ZNF207: variants seen among roughly 807,000 people sequenced by gnomAD.
The protein encoded by ZNF207 is zinc finger protein 207.
A neutral mutation model predicts 60.2 loss-of-function variants in ZNF207; 24 were observed. The observed-to-expected ratio is 0.40, with a 90% CI of 0.29 to 0.56. The LOEUF is 0.56. Among genes scored for constraint, ZNF207 ranks in the 20% least tolerant of loss-of-function variants. The pLI is 0.49. For synonymous variants in ZNF207, 236 were observed against 194.7 expected (o/e 1.21, Z -1.77); for missense variants, 452 against 636.6 (o/e 0.71, Z 3.12).
chr17:32,351,300 T>A, intron 1 of ZNF207: 1 of 334,802 alleles, frequency 3.0e-6, no homozygotes, highest in Non-Finnish European at 4.6e-6. Context: ...CTTTATGGAT[T>A]GTTCATTCGA....
chr17:32,359,784 C>T (rs961580715), intron 3 of ZNF207, among the ~76,000 whole-genome samples: 1 of 151,860 alleles, frequency 6.6e-6, no homozygotes, highest in African/African-American at 2.4e-5. Context: ...GTGGCACATG[C>T]CTATAGTCTA....
Position 32,362,908 on chromosome 17 carries a change from TA to T in ZNF207, c.600-4del. The T allele has an allele frequency of 6.2e-7, 1 of 1,613,048 alleles. No individual in the cohort carries two copies. Among genetic ancestry groups the T allele is most frequent in the South Asian group, 1.1e-5 (1 of 90,940 alleles). ...TTACTGTTTCTTGAAATTTGCTTTC[TA>T]ATAGAATGATGCCAATGGGTGGAAT... On this transcript the variant is annotated splice_polypyrimidine_tract_variant and splice_region_variant and intron_variant, in intron 6 of 11. Coordinates refer to ENST00000394670, the MANE Select transcript of ZNF207 (RefSeq NM_001098507.2).
At position 32,370,380 on chromosome 17, in the gene ZNF207, G is replaced by T. The variant is rs1463374755; in HGVS notation, c.*621G>T. ...ATTCATAACCCAGCTGTGGACCACT[G>T]CCTGAAAGGTTTGTACAGATGCATG... is the stretch of plus-strand genomic sequence containing the variant. On this transcript the variant is annotated 3_prime_UTR_variant, in exon 12 of 12. Transcript: ENST00000394670. 4 of 152,644 alleles carry T rather than the reference G, an allele frequency of 2.6e-5. No individual in the cohort carries two copies. Among genetic ancestry groups the T allele is most frequent in the Admixed American group, 6.5e-5 (1 of 15,280 alleles). The allele number at this position is 152,644 out of a possible 1,614,324, so 9.5% of individuals were successfully genotyped here.
chr17:32,370,533 T>G lies in ZNF207; in HGVS notation c.*774T>G, dbSNP rs1905420660. On this transcript the variant is annotated 3_prime_UTR_variant, in exon 12 of 12. Transcript: ENST00000394670. ...TTTAAACTGAATTTGCATAGAGTTG[T>G]ATGTTAATGTTTCAGTTAAGAGAAA... 1 of 152,266 alleles carries G rather than the reference T, an allele frequency of 6.6e-6. No homozygotes were observed. The highest frequency in any genetic ancestry group is 1.9e-4 in the East Asian group (1 of 5,204). The allele number at this position is 152,266 out of a possible 1,614,324, so 9.4% of individuals were successfully genotyped here.
At chr17:32,365,540 G>T in intron 8 of ZNF207, 53 bp downstream of exon 8, 1 of 1,539,830 alleles carries the variant, frequency 6.5e-7, no homozygotes, top group South Asian at 1.3e-5. Context: ...ATAAAGTACA[G>T]TTGTTTACAG....
intron 8 of ZNF207, among the ~76,000 whole-genome samples, chr17:32,365,768 A>G (rs1905134853): frequency 1.3e-5 from 2 of 150,128 alleles, no homozygotes; most frequent in South Asian, 4.2e-4. Flanking sequence ...AAGCTAATGA[A>G]AGTTTAGTAT....
intron 7 of ZNF207, 60 bp from the exon 8 acceptor site, chr17:32,365,270 G>GT: frequency 2.6e-6 from 4 of 1,559,396 alleles, no homozygotes; most frequent in African/African-American, 1.4e-5. Context: ...GTATAGAAGC[G>GT]TTTTTTTCCA....
Position 32,352,740 on chromosome 17 carries a change from G to T in ZNF207, c.168+828G>T, listed in dbSNP as rs559202626. On this transcript the variant is annotated intron_variant, in intron 2 of 11. Coordinates refer to ENST00000394670, the MANE Select transcript of ZNF207 (RefSeq NM_001098507.2). ...AGAGATGGCCTTGCTCTGTGGCCCA[G>T]GCTGGATTGCAGTGACATGGTTATG... Among the ~76,000 whole-genome samples the T allele has an allele frequency of 3.9e-5, 6 of 152,288 alleles. No individual in the cohort carries two copies. The South Asian group carries it at 1.2e-3, about 32-fold the overall frequency.
At chr17:32,352,657 A>G (rs1291504260) in intron 2 of ZNF207, among the ~76,000 whole-genome samples, 4 of 152,150 alleles carry the variant, frequency 2.6e-5, no homozygotes, top group South Asian at 2.1e-4. Flanking sequence ...AATTTCAGCA[A>G]TTTATTTATT....
At chr17:32,361,232 A>G (rs561969866) in intron 5 of ZNF207, 1 of 565,644 alleles carries the variant, frequency 1.8e-6, no homozygotes, top group South Asian at 2.6e-5. Context: ...TTGGTTATTT[A>G]TAGATTTGCG....
chr17:32,377,824 A>T lies in ZNF207; in HGVS notation c.*8065A>T, dbSNP rs1489652636. On this transcript the variant is annotated 3_prime_UTR_variant, in exon 12 of 12. Transcript: ENST00000394670. Reference sequence around the variant, plus strand: ...AGGGAAAAGTTTTAAATGTATTAGTATCAGGCTCTGAGGAAATTTAATGCA... The same window carrying T: ...AGGGAAAAGTTTTAAATGTATTAGTTTCAGGCTCTGAGGAAATTTAATGCA... 6.6e-6 allele frequency: 1 copy of T among 152,272 alleles called. No homozygotes were observed. Among genetic ancestry groups the T allele is most frequent in the Non-Finnish European group, 1.5e-5 (1 of 67,818 alleles). 9.4% of individuals were successfully genotyped at this position (152,272 alleles called of 1,614,324 possible).
At chr17:32,354,216 A>G (rs1381620120) in intron 2 of ZNF207, among the ~76,000 whole-genome samples, 7 of 152,306 alleles carry the variant, frequency 4.6e-5, no homozygotes, top group Non-Finnish European at 8.8e-5. Context: ...CCCAGGATCA[A>G]TCGATTCTCC....
In ZNF207 at chr17:32,358,722, A is replaced by G. The variant is rs1011494587; in HGVS notation, c.307+81A>G. The G allele has an allele frequency of 5.4e-5, 61 of 1,124,588 alleles. 1 individual carries two copies. The African/African-American group carries it at 9.5e-4, about 18-fold the overall frequency. The allele number at this position is 1,124,588 out of a possible 1,614,324, so 69.7% of individuals were successfully genotyped here. A position where few individuals can be genotyped will look rare whatever the true frequency, so the allele number is the denominator to read the frequency against. On this transcript the variant is annotated intron_variant, in intron 3 of 11. Coordinates refer to ENST00000394670, the MANE Select transcript of ZNF207 (RefSeq NM_001098507.2). ...TTTGAGACAGAGGCTTACTCTGTCC[A>G]GCCGAGGCTGGAGTACAGTGGTGTG...
Position 32,368,024 on chromosome 17 carries a change from T to G in ZNF207, c.1164+10T>G, listed in dbSNP as rs560530057. On this transcript the variant is annotated intron_variant, in intron 10 of 11. Coordinates refer to ENST00000394670, the MANE Select transcript of ZNF207 (RefSeq NM_001098507.2). ...TGAGGATATATCCCTGGTAAGTTGC[T>G]TTTAGTTTTCTACGAGCAGCATTTG... 1 of 1,612,916 alleles carries G rather than the reference T, an allele frequency of 6.2e-7. No individual in the cohort carries two copies. Among genetic ancestry groups the G allele is most frequent in the African/African-American group, 1.3e-5 (1 of 75,006 alleles).
chr17:32,353,173 C>CAAT (rs1293173849), intron 2 of ZNF207, among the ~76,000 whole-genome samples: 1 of 151,850 alleles, frequency 6.6e-6, no homozygotes, highest in Non-Finnish European at 1.5e-5. Flanking sequence ...GACTCTGTCT[C>CAAT]AATAATAATA....
intron 6 of ZNF207, among the ~76,000 whole-genome samples, chr17:32,362,464 A>T (rs930630288): frequency 6.6e-6 from 1 of 152,210 alleles, no homozygotes; most frequent in African/African-American, 2.4e-5. Context: ...CACCTAGCCA[A>T]ATAAAAAATC....
At chr17:32,369,245 G>A (rs1174431173) in intron 10 of ZNF207, 50 bp from the exon 11 acceptor site, 1 of 1,589,392 alleles carries the variant, frequency 6.3e-7, no homozygotes, top group African/African-American at 1.3e-5. Flanking sequence ...TTTATGCTTG[G>A]TGAGCCTCTG....
intron 2 of ZNF207, among the ~76,000 whole-genome samples, chr17:32,355,902 G>A (rs748592007): frequency 3.9e-5 from 6 of 152,176 alleles, no homozygotes; most frequent in Admixed American, 2.0e-4. Flanking sequence ...GAGTGGTGAG[G>A]GTGAAGTGTG....
rs1905419930 is a variant in ZNF207 at position 32,370,517 on chromosome 17, A to C, written c.*758A>C. ...TTTCTTAGCTGCATGTTTTAAACTG[A>C]ATTTGCATAGAGTTGTATGTTAATG... On this transcript the variant is annotated 3_prime_UTR_variant, in exon 12 of 12. Coordinates refer to ENST00000394670, the MANE Select transcript of ZNF207 (RefSeq NM_001098507.2). 1 of 152,246 alleles carries C rather than the reference A, an allele frequency of 6.6e-6. No homozygotes were observed. Among genetic ancestry groups the C allele is most frequent in the African/African-American group, 2.4e-5 (1 of 41,446 alleles). 9.4% of individuals were successfully genotyped at this position (152,246 alleles called of 1,614,324 possible).
Sources: gnomAD v4.1 joint callset for allele counts (sites outside exome capture counted in the v4.1 genomes callset) on GRCh38, gnomAD v4.1.1 for gene constraint, MANE v1.5 for transcripts, NCBI Gene and HGNC (gene_info 2026-07-23, HGNC 2026-07-21) for gene names.